The following SHISA9 variants were observed in gnomAD, a reference collection of about 807,000 sequenced individuals.
SHISA9 encodes the protein shisa family member 9.
Under a neutral mutation model 38.0 loss-of-function variants are expected in SHISA9, and 13 were observed. That is an observed-to-expected ratio of 0.34 (90% CI 0.22 to 0.54). The LOEUF (loss-of-function observed/expected upper bound fraction) is 0.54. SHISA9 is among the 20% of genes least tolerant of loss of function. SHISA9 has a pLI of 0.91. For synonymous variants in SHISA9, 275 were observed against 242.0 expected, an observed-to-expected ratio of 1.14 and a Z score of -1.27; for missense variants, 538 against 575.8, an observed-to-expected ratio of 0.93 and a Z score of 0.67.
the SHISA9 span, chr16:13,474,127 T>C: frequency 7.1e-4 from 108 of 152,302 alleles, no homozygotes; most frequent in African/African-American, 2.5e-3. Context: ...CCCTTGCCTG[T>C]TTAAATCATT....
intron 2 of SHISA9, among the ~76,000 whole-genome samples, chr16:12,995,207 C>A (rs1164781572): frequency 6.6e-6 from 1 of 152,164 alleles, no homozygotes; most frequent in African/African-American, 2.4e-5. Context: ...TCCCCGCAAG[C>A]ATTTCTCCTT....
chr16:12,932,231 C>G (rs927647304), intron 2 of SHISA9, among the ~76,000 whole-genome samples: 4 of 152,164 alleles, frequency 2.6e-5, no homozygotes, highest in African/African-American at 7.2e-5. Flanking sequence ...CAGACTAATA[C>G]AAGTAATAAC....
intron 2 of SHISA9, among the ~76,000 whole-genome samples, chr16:13,145,176 C>T (rs2050436338): frequency 6.6e-6 from 1 of 152,132 alleles, no homozygotes; most frequent in Non-Finnish European, 1.5e-5. Context: ...ACCTGCATTG[C>T]AGCATAGTCC....
At chr16:13,089,225 G>A (rs866152365) in intron 2 of SHISA9, among the ~76,000 whole-genome samples, 27 of 152,304 alleles carry the variant, frequency 1.8e-4, no homozygotes, top group Middle Eastern at 3.4e-3. Flanking sequence ...GAGGATTTAC[G>A]CATTGATGTT....
At chr16:13,544,824 T>C in the SHISA9 span, among the ~76,000 whole-genome samples, 6 of 152,110 alleles carry the variant, frequency 3.9e-5, no homozygotes, top group Admixed American at 1.3e-4. Context: ...GAGCCTGTAA[T>C]CCCAGCTACT....
chr16:13,318,601 G>A, the SHISA9 span, among the ~76,000 whole-genome samples: 1 of 151,996 alleles, frequency 6.6e-6, no homozygotes, highest in Non-Finnish European at 1.5e-5. Context: ...GCTGGGATTT[G>A]GGAGCCACCG....
chr16:13,259,533 G>A, the SHISA9 span, among the ~76,000 whole-genome samples: 2 of 152,260 alleles, frequency 1.3e-5, no homozygotes, highest in East Asian at 1.9e-4. Context: ...CCCTAGCAGA[G>A]GTTCTCCATG....
At chr16:13,178,026 A>G (rs887035282) in intron 2 of SHISA9, among the ~76,000 whole-genome samples, 1 of 152,204 alleles carries the variant, frequency 6.6e-6, no homozygotes, top group East Asian at 1.9e-4. Flanking sequence ...TTGCACATAG[A>G]GATATTTCAA....
intron 2 of SHISA9, among the ~76,000 whole-genome samples, chr16:12,969,155 T>G (rs967132679): frequency 4.5e-5 from 6 of 133,812 alleles, no homozygotes; most frequent in African/African-American, 1.7e-4. Context: ...AGACTCCATC[T>G]CAAAAGAAAA....
intron 2 of SHISA9, among the ~76,000 whole-genome samples, chr16:13,003,880 T>TAAG (rs200236620): frequency 0.018 from 2,702 of 146,784 alleles, 36 homozygotes; most frequent in Middle Eastern, 0.039. Flanking sequence ...ATAATAATAA[T>TAAG]AATAATAATA....
At chr16:13,153,295 A>G (rs1227358005) in intron 2 of SHISA9, among the ~76,000 whole-genome samples, 3 of 152,208 alleles carry the variant, frequency 2.0e-5, no homozygotes, top group African/African-American at 7.2e-5. Flanking sequence ...AAAAAACCAC[A>G]TGCCTATAAT....
intron 2 of SHISA9, among the ~76,000 whole-genome samples, chr16:13,084,170 G>A (rs2073685365): frequency 6.6e-6 from 1 of 152,188 alleles, no homozygotes; most frequent in Admixed American, 6.5e-5. Flanking sequence ...CAAGGAACCT[G>A]AGGGCCAGAA....
At chr16:13,312,176 T>G in the SHISA9 span, among the ~76,000 whole-genome samples, 1 of 152,230 alleles carries the variant, frequency 6.6e-6, no homozygotes, top group Non-Finnish European at 1.5e-5. Flanking sequence ...CTGTGGTGTT[T>G]GCACAATGCC....
intron 2 of SHISA9, among the ~76,000 whole-genome samples, chr16:13,194,740 A>C (rs149504026): frequency 9.1e-4 from 139 of 152,344 alleles, no homozygotes; most frequent in African/African-American, 3.3e-3. Context: ...AGAAAAACAC[A>C]TTAAAAACTT....
intron 2 of SHISA9, among the ~76,000 whole-genome samples, chr16:13,020,254 GA>G (rs1225704268): frequency 6.6e-6 from 1 of 151,732 alleles, no homozygotes; most frequent in Non-Finnish European, 1.5e-5. Context: ...TTGAACTCCT[GA>G]CCTCAGGTGA....
At chr16:13,522,649 T>C in the SHISA9 span, among the ~76,000 whole-genome samples, 1 of 152,176 alleles carries the variant, frequency 6.6e-6, no homozygotes, top group African/African-American at 2.4e-5. Context: ...TTGAAAGCCA[T>C]ATTAACCTGG....
chr16:13,431,160 C>G, the SHISA9 span, among the ~76,000 whole-genome samples: 38 of 152,280 alleles, frequency 2.5e-4, no homozygotes, highest in East Asian at 7.1e-3. Flanking sequence ...CTAAATTCAG[C>G]TCCTTGAATT....
chr16:13,260,330 T>C, the SHISA9 span, among the ~76,000 whole-genome samples: 11 of 152,236 alleles, frequency 7.2e-5, no homozygotes, highest in East Asian at 1.9e-3. Context: ...TTTTCTTTTC[T>C]ATTGCATAGT....
the SHISA9 span, among the ~76,000 whole-genome samples, chr16:13,352,885 G>A: frequency 6.6e-6 from 1 of 151,916 alleles, no homozygotes; most frequent in Non-Finnish European, 1.5e-5. Flanking sequence ...GGCAAGGACC[G>A]GCCATTTACA....
Sources: gnomAD v4.1 joint callset for allele counts (sites outside exome capture counted in the v4.1 genomes callset) on GRCh38, gnomAD v4.1.1 for gene constraint, MANE v1.5 for transcripts, NCBI Gene and HGNC (gene_info 2026-07-23, HGNC 2026-07-21) for gene names.